MAST4: variants seen among roughly 807,000 people sequenced by gnomAD.
MAST4 encodes microtubule associated serine/threonine kinase family member 4, also known as microtubule-associated serine/threonine-protein kinase 4.
A neutral mutation model predicts 162.7 loss-of-function variants in MAST4; 89 were observed. That is an observed-to-expected ratio of 0.55 (90% CI 0.46 to 0.65). MAST4 has a LOEUF of 0.65. Among genes scored for constraint, MAST4 ranks in the 30% least tolerant of loss-of-function variants. MAST4 has a pLI of 0.00. For missense variants in MAST4, 3,153 were observed against 3,374.0 expected (o/e 0.93, Z 1.62); for synonymous variants, 1,479 against 1,361.1 (o/e 1.09, Z -1.91).
chr5:67,096,038 G>C (rs144508819), intron 7 of MAST4, among the ~76,000 whole-genome samples: 1 of 152,106 alleles, frequency 6.6e-6, no homozygotes, highest in East Asian at 1.9e-4. Context: ...AACTTCGATA[G>C]ACTGGGTCTT....
intron 1 of MAST4, among the ~76,000 whole-genome samples, chr5:66,671,833 C>T (rs1747629177): frequency 1.3e-5 from 2 of 152,146 alleles, no homozygotes; most frequent in South Asian, 4.2e-4. Flanking sequence ...CTAATTCACT[C>T]ACTCTTTAAA....
intron 3 of MAST4, among the ~76,000 whole-genome samples, chr5:66,805,547 T>C (rs182745432): frequency 6.6e-6 from 1 of 152,346 alleles, no homozygotes; most frequent in Admixed American, 6.5e-5. Context: ...TGTGAAAATA[T>C]TGAACTGCAG....
intron 5 of MAST4, among the ~76,000 whole-genome samples, chr5:67,085,528 A>T (rs900976413): frequency 6.6e-6 from 1 of 152,214 alleles, no homozygotes; most frequent in African/African-American, 2.4e-5. Flanking sequence ...AAGGGTCAAT[A>T]AGACAGGGAC....
chr5:67,066,840 T>C (rs915454827), intron 5 of MAST4, among the ~76,000 whole-genome samples: 29 of 152,358 alleles, frequency 1.9e-4, no homozygotes, highest in African/African-American at 5.8e-4. Context: ...AGCCAGAGAT[T>C]GTATCCACAG....
chr5:66,711,442 C>G (rs1312599766), intron 1 of MAST4, among the ~76,000 whole-genome samples: 1 of 152,144 alleles, frequency 6.6e-6, no homozygotes, highest in Non-Finnish European at 1.5e-5. Context: ...GCATGTGGCC[C>G]CTTCTTCCAT....
At chr5:67,103,675 A>C (rs998067057) in intron 9 of MAST4, among the ~76,000 whole-genome samples, 62 of 152,208 alleles carry the variant, frequency 4.1e-4, no homozygotes, top group Admixed American at 2.0e-4. Flanking sequence ...TTTACATAGG[A>C]TGTAGCTTTG....
intron 3 of MAST4, among the ~76,000 whole-genome samples, chr5:66,829,042 C>T (rs758430710): frequency 4.6e-5 from 7 of 152,198 alleles, no homozygotes; most frequent in Non-Finnish European, 5.9e-5. Context: ...AGGTATGACA[C>T]ATCACAGGGT....
chr5:67,165,859 C>G lies in MAST4; in HGVS notation c.6680C>G (p.Pro2227Arg). 6.2e-7 allele frequency: 1 copy of G among 1,613,298 alleles called. No homozygotes were observed. Among genetic ancestry groups the G allele is most frequent in the Non-Finnish European group, 8.5e-7 (1 of 1,179,900 alleles). Reference protein sequence around the residue: ...PSVGATKGKEPATQSLGGSSR... With the variant: ...PSVGATKGKERATQSLGGSSR... ...GTCGGGGCCACAAAGGGCAAAGAGC[C>G]TGCCACTCAGTCCCTCGGTGGCTCT... The change falls in exon 29 of 29, where the codon CCT (proline) becomes CGT (arginine). Residue 2227 changes from proline to arginine, a missense_variant. Coordinates refer to ENST00000403625, the MANE Select transcript of MAST4 (RefSeq NM_001164664.2).
intron 4 of MAST4, among the ~76,000 whole-genome samples, chr5:67,030,197 A>G (rs1269716460): frequency 6.6e-6 from 1 of 152,176 alleles, no homozygotes; most frequent in Admixed American, 6.6e-5. Context: ...GTTTTTATTT[A>G]ACAAATCATT....
chr5:67,087,931 C>T (rs1365730445), intron 5 of MAST4, among the ~76,000 whole-genome samples: 1 of 152,100 alleles, frequency 6.6e-6, no homozygotes, highest in Non-Finnish European at 1.5e-5. Context: ...AAGCAATGGA[C>T]CTAGAAAGGC....
At chr5:66,931,927 C>T (rs1481167574) in intron 4 of MAST4, among the ~76,000 whole-genome samples, 1 of 152,102 alleles carries the variant, frequency 6.6e-6, no homozygotes, top group Admixed American at 6.5e-5. Context: ...ACGTTATCTT[C>T]AGGGAATTAT....
At chr5:67,146,726 TCTC>T in intron 23 of MAST4, among the ~76,000 whole-genome samples, 1 of 152,330 alleles carries the variant, frequency 6.6e-6, no homozygotes, top group East Asian at 1.9e-4. Flanking sequence ...TGGATTTTCT[TCTC>T]TGTCTTCACT....
In MAST4 at chr5:66,619,188, C is replaced by T. The variant is rs181691816; in HGVS notation, c.363+22170C>T. Among the ~76,000 whole-genome samples the T allele has an allele frequency of 4.6e-3, 703 of 152,156 alleles. 1 individual carries two copies. The highest frequency in any genetic ancestry group is 0.017 in the South Asian group (80 of 4,808). On this transcript the variant is annotated intron_variant, in intron 1 of 28. Transcript: ENST00000403625. The stretch of plus-strand genomic sequence containing the variant: ...CTTTTCCAGGAGTAACTATAGTAGA[C>T]GGTTTTGCATTTGGGGACTTGACGG...
At chr5:66,811,680 C>A (rs1756486762) in intron 3 of MAST4, among the ~76,000 whole-genome samples, 1 of 152,112 alleles carries the variant, frequency 6.6e-6, no homozygotes, top group Non-Finnish European at 1.5e-5. Context: ...TGGTGAACAT[C>A]TTGATTTAGC....
intron 1 of MAST4, among the ~76,000 whole-genome samples, chr5:66,758,669 C>T (rs1003605676): frequency 1.2e-4 from 18 of 152,146 alleles, no homozygotes; most frequent in African/African-American, 4.3e-4. Context: ...TAAATACATC[C>T]ATGATAATCT....
intron 4 of MAST4, among the ~76,000 whole-genome samples, chr5:66,993,063 G>C (rs1214633786): frequency 6.6e-6 from 1 of 152,150 alleles, no homozygotes; most frequent in Non-Finnish European, 1.5e-5. Context: ...TATTGGGAAG[G>C]AAAGTAAAAA....
intron 1 of MAST4, among the ~76,000 whole-genome samples, chr5:66,670,843 A>T (rs139157722): frequency 1.3e-5 from 2 of 152,170 alleles, no homozygotes; most frequent in African/African-American, 4.8e-5. Flanking sequence ...CATTACTCAG[A>T]TATTATAGCT....
intron 1 of MAST4, among the ~76,000 whole-genome samples, chr5:66,614,655 G>GA (rs1279264709): frequency 3.3e-5 from 5 of 152,188 alleles, no homozygotes; most frequent in African/African-American, 1.2e-4. Context: ...CTTCCCTGGA[G>GA]AGTAAGTTCC....
At chr5:66,913,340 A>G (rs1197563594) in intron 4 of MAST4, among the ~76,000 whole-genome samples, 2 of 151,718 alleles carry the variant, frequency 1.3e-5, no homozygotes, top group Non-Finnish European at 2.9e-5. Flanking sequence ...ATTAGTTTAC[A>G]TTTTTTAAAA....
Sources: allele counts gnomAD v4.1 joint callset (sites outside exome capture counted in the v4.1 genomes callset), GRCh38; gene constraint gnomAD v4.1.1; transcripts MANE v1.5; gene names NCBI Gene and HGNC (gene_info 2026-07-23, HGNC 2026-07-21).